TLR3: variants seen among roughly 807,000 people sequenced by gnomAD.
TLR3 encodes the protein toll-like receptor 3.
In TLR3, 43 loss-of-function variants were observed where a neutral mutation model predicts 66.4. That is an observed-to-expected ratio of 0.65 (90% CI 0.51 to 0.83). The LOEUF (loss-of-function observed/expected upper bound fraction) is 0.83. Ranked by LOEUF, TLR3 falls within the 40% of genes least tolerant of loss-of-function variation. The pLI, the probability that TLR3 is intolerant of heterozygous loss-of-function variation, is 0.00. For missense variants in TLR3, 982 were observed against 1,044.6 expected (o/e 0.94, Z 0.83); for synonymous variants, 397 against 397.2 (o/e 1.00, Z 0.01).
In TLR3 at chr4:186,083,733, T is replaced by C; in HGVS notation, c.2047T>C (p.Tyr683His). 1.9e-6 allele frequency: 3 copies of C among 1,613,016 alleles called. No homozygotes were observed. The highest frequency in any genetic ancestry group is 2.5e-6 in the Non-Finnish European group (3 of 1,179,536). Reference sequence around the variant, plus strand: ...CTACCTTTGCAACACTCCACCTCACTATCATGGGTTCCCAGTGAGACTTTT... The same window carrying C: ...CTACCTTTGCAACACTCCACCTCACCATCATGGGTTCCCAGTGAGACTTTT... ...SHYLCNTPPH[Y>H]HGFPVRLFDT... The change falls in exon 4 of 5, where the codon TAT (tyrosine) becomes CAT (histidine). Residue 683 changes from tyrosine to histidine, a missense_variant. Tyr to His is a moderately conservative substitution (Grantham distance 83). Transcript: ENST00000296795. The surrounding 1 kb of genome is among the most constrained non-coding windows in gnomAD (Gnocchi z 4.0).
intron 1 of TLR3, among the ~76,000 whole-genome samples, chr4:186,071,530 G>A (rs530842291): frequency 2.0e-5 from 3 of 152,318 alleles, no homozygotes; most frequent in Non-Finnish European, 2.9e-5. Context: ...CATCCTTCAC[G>A]TGCCTGGGCA....
intron 2 of TLR3, among the ~76,000 whole-genome samples, chr4:186,077,594 T>G (rs934306909): frequency 3.3e-5 from 5 of 150,866 alleles, no homozygotes; most frequent in Admixed American, 2.6e-4. Context: ...CGAATTTTAG[T>G]TTTTTTTCTT....
intron 4 of TLR3, 125 bp downstream of exon 4, chr4:186,084,297 T>G: frequency 1.0e-6 from 1 of 985,468 alleles, no homozygotes; most frequent in Non-Finnish European, 1.5e-6. Flanking sequence ...CTCAGCTTAC[T>G]GCAGCCTCCA....
In TLR3 at chr4:186,083,796, C is replaced by T. The variant is rs1205194103; in HGVS notation, c.2110C>T (p.Leu704Phe). ...TTGCAAAGACAGTGCCCCCTTTGAA[C>T]TCTTTTTCATGATCAATACCAGTAT... ...SSCKDSAPFE[L>F]FFMINTSILL... Residue 704 changes from leucine to phenylalanine, a missense_variant, in exon 4 of 5, where the codon CTC becomes TTC. Leu to Phe is a conservative substitution (Grantham distance 22). Transcript: ENST00000296795. This position sits in a 1 kb window ranked among gnomAD's most constrained non-coding sequence, Gnocchi z 4.0. 5 of 1,613,900 alleles carry T rather than the reference C, an allele frequency of 3.1e-6. No homozygotes were observed. The African/African-American group carries it at 6.7e-5, about 22-fold the overall frequency.
In TLR3 at chr4:186,086,943, C is replaced by T. The variant is rs566724029; in HGVS notation, c.*2070C>T. On this transcript the variant is annotated 3_prime_UTR_variant, in exon 5 of 5. Coordinates refer to ENST00000296795, the MANE Select transcript of TLR3 (RefSeq NM_003265.3). ...CGGCCCGAGCAAGCAGCTCAAAAGCCGGGTTACAGGATTTTCTGGGGTTTA... is the reference window on the plus strand; with the variant it reads ...CGGCCCGAGCAAGCAGCTCAAAAGCTGGGTTACAGGATTTTCTGGGGTTTA... 5.3e-5 allele frequency: 8 copies of T among 152,140 alleles called. No homozygotes were observed. The highest frequency in any genetic ancestry group is 1.7e-4 in the African/African-American group (7 of 41,528). The allele number at this position is 152,140 out of a possible 1,614,324, so 9.4% of individuals were successfully genotyped here. A position where few individuals can be genotyped will look rare whatever the true frequency, so the allele number is the denominator to read the frequency against.
intron 1 of TLR3, among the ~76,000 whole-genome samples, chr4:186,070,724 G>A (rs957584495): frequency 1.3e-5 from 2 of 152,066 alleles, no homozygotes; most frequent in Non-Finnish European, 2.9e-5. Context: ...GTTTTTTAGA[G>A]GTAAGGTCTT....
At chr4:186,074,163 C>A (rs1193284248) in intron 1 of TLR3, among the ~76,000 whole-genome samples, 9 of 152,174 alleles carry the variant, frequency 5.9e-5, no homozygotes, top group Non-Finnish European at 8.8e-5. Context: ...GCATTCCAAT[C>A]CTAGTTATTT....
Position 186,083,521 on chromosome 4 carries a change from T to C in TLR3, c.1835T>C (p.Leu612Pro). 1.2e-6 allele frequency: 2 copies of C among 1,610,868 alleles called. No individual in the cohort carries two copies. Among genetic ancestry groups the C allele is most frequent in the Non-Finnish European group, 1.7e-6 (2 of 1,178,654 alleles). Residue 612 changes from leucine to proline, a missense_variant, in exon 4 of 5, where the codon CTA becomes CCA. By Grantham distance (98) the Leu-to-Pro change is moderately conservative (BLOSUM62 -3). Transcript: ENST00000296795. This position sits in a 1 kb window ranked among gnomAD's most constrained non-coding sequence, Gnocchi z 4.0. ...TCTGTCTTTAATAATCAGGTGTCTC[T>C]AAAGTCATTGAACCTTCAGAAGAAT... ...PASVFNNQVS[L>P]KSLNLQKNLI... is the part of the protein sequence containing the mutation.
intron 1 of TLR3, among the ~76,000 whole-genome samples, chr4:186,071,964 C>T (rs1421854138): frequency 4.6e-5 from 7 of 152,198 alleles, no homozygotes; most frequent in Non-Finnish European, 8.8e-5. Flanking sequence ...TTGTTGATCA[C>T]ACCACAGAGT....
At chr4:186,074,242 G>A (rs371572975) in intron 1 of TLR3, among the ~76,000 whole-genome samples, 3 of 152,200 alleles carry the variant, frequency 2.0e-5, no homozygotes, top group East Asian at 3.8e-4. Flanking sequence ...AATGCATCGT[G>A]AGGGGACTTC....
At position 186,084,702 on chromosome 4, in the gene TLR3, A is replaced by G. The variant is rs756035977; in HGVS notation, c.2544A>G (p.Ile848Met). 10 of 1,613,898 alleles carry G rather than the reference A, an allele frequency of 6.2e-6. No homozygotes were observed. The highest frequency in any genetic ancestry group is 8.5e-6 in the Non-Finnish European group (10 of 1,179,968). ...TTGAACAAAATCTGGATTCCATTATATTGGTTTTCCTTGAGGAGATTCCAG... is the reference window on the plus strand; with the variant it reads ...TTGAACAAAATCTGGATTCCATTATGTTGGTTTTCCTTGAGGAGATTCCAG... ...QAIEQNLDSI[I>M]LVFLEEIPDY... The change falls in exon 5 of 5, where the codon ATA becomes ATG. Residue 848 changes from isoleucine (I) to methionine (M), a missense_variant. Physicochemically the swap from Ile to Met is conservative, Grantham distance 10. Transcript: ENST00000296795.
rs746858510 is a variant in TLR3, at chr4:186,082,299, CT to C, written c.634-12del. On this transcript the variant is annotated intron_variant, in intron 3 of 4. Coordinates refer to ENST00000296795, the MANE Select transcript of TLR3 (RefSeq NM_003265.3). ...TCTGTGTTCTTTTGATTGTTAACCT[CT>C]TTTTTTTTCCTACCTTTAGTTTTCT... 132 of 1,404,030 alleles carry C rather than the reference CT, an allele frequency of 9.4e-5. No individual in the cohort carries two copies. The highest frequency in any genetic ancestry group is 8.5e-4 in the African/African-American group (57 of 67,096). 87.0% of individuals were successfully genotyped at this position (1,404,030 alleles called of 1,614,324 possible).
In TLR3 at chr4:186,080,181, A is replaced by G. The variant is rs895250609; in HGVS notation, c.633+1150A>G. ...AAGACTACTGGAAATCCTTAATTAC[A>G]ACTCTATTTTTTTTTTCAGACATAA... On this transcript the variant is annotated intron_variant, in intron 3 of 4. Transcript: ENST00000296795. 3.3e-5 allele frequency among the ~76,000 whole-genome samples: 5 copies of G among 150,696 alleles called. No homozygotes were observed. The East Asian group carries it at 9.7e-4, about 29-fold the overall frequency.
rs1579731513 is a variant in TLR3, at chr4:186,083,116, C to T, written c.1430C>T (p.Ala477Val). Reference sequence around the variant, plus strand: ...CTGCAGCTGACTAGGAACTCCTTTGCCTTGGTCCCAAGCCTTCAACGACTG... The same window carrying T: ...CTGCAGCTGACTAGGAACTCCTTTGTCTTGGTCCCAAGCCTTCAACGACTG... ...KYLQLTRNSFALVPSLQRLML... is the reference protein window; with the variant it reads ...KYLQLTRNSFVLVPSLQRLML... Residue 477 changes from alanine (A) to valine (V), a missense_variant, in exon 4 of 5, where the codon GCC becomes GTC. Ala to Val is a moderately conservative substitution (Grantham distance 64). Transcript: ENST00000296795. This position sits in a 1 kb window ranked among gnomAD's most constrained non-coding sequence, Gnocchi z 4.0. 1 of 1,614,180 alleles carries T rather than the reference C, an allele frequency of 6.2e-7. No homozygotes were observed. The highest frequency in any genetic ancestry group is 8.5e-7 in the Non-Finnish European group (1 of 1,180,026).
intron 1 of TLR3, among the ~76,000 whole-genome samples, chr4:186,071,108 A>G (rs1233976356): frequency 1.3e-5 from 2 of 152,168 alleles, no homozygotes; most frequent in Non-Finnish European, 2.9e-5. Context: ...ATTAATCAAG[A>G]TCTCTTTTCT....
At chr4:186,070,407 C>A (rs998621373) in intron 1 of TLR3, among the ~76,000 whole-genome samples, 2 of 151,996 alleles carry the variant, frequency 1.3e-5, no homozygotes, top group Non-Finnish European at 2.9e-5. Flanking sequence ...GATTTAGAGA[C>A]AAGGTCTCGC....
Position 186,076,937 on chromosome 4 carries a change from C to G in TLR3, c.318C>G (p.Leu106=). 6.2e-7 allele frequency: 1 copy of G among 1,614,190 alleles called. No individual in the cohort carries two copies. The highest frequency in any genetic ancestry group is 8.5e-7 in the Non-Finnish European group (1 of 1,180,040). ...TTCCCATGTTAAAAGTTTTGAACCT[C>G]CAGCACAATGAGCTATCTCAACTTT... The part of the protein sequence containing the change: ...QKLPMLKVLN[L]QHNELSQLSD... Residue 106 remains leucine, a synonymous_variant, in exon 2 of 5, where the codon CTC becomes CTG. Transcript: ENST00000296795.
At chr4:186,073,246 G>A (rs558553587) in intron 1 of TLR3, among the ~76,000 whole-genome samples, 9 of 152,262 alleles carry the variant, frequency 5.9e-5, no homozygotes, top group East Asian at 3.9e-4. Flanking sequence ...TGGACCAGGC[G>A]TGGTGGCTCA....
At chr4:186,077,615 T>C (rs2099302669) in intron 2 of TLR3, among the ~76,000 whole-genome samples, 1 of 152,170 alleles carries the variant, frequency 6.6e-6, no homozygotes, top group South Asian at 2.1e-4. Flanking sequence ...TTCTTTTTAG[T>C]TGATGTTTAA....
Sources: allele counts gnomAD v4.1 joint callset (sites outside exome capture counted in the v4.1 genomes callset), GRCh38; gene constraint gnomAD v4.1.1; non-coding constraint Gnocchi (gnomAD v3.1); transcripts MANE v1.5; gene names NCBI Gene and HGNC (gene_info 2026-07-23, HGNC 2026-07-21).